Variants in DMXL1 observed in about 807,000 individuals in gnomAD.
DMXL1 encodes dmX-like protein 1.
In DMXL1, 99 loss-of-function variants were observed where a neutral mutation model predicts 319.2. The observed-to-expected ratio is 0.31, with a 90% CI of 0.26 to 0.37. The LOEUF (loss-of-function observed/expected upper bound fraction) is 0.37. DMXL1 is among the 10% of genes least tolerant of loss of function. DMXL1 has a pLI of 1.00. For missense variants in DMXL1, 3,745 were observed against 3,595.6 expected, an observed-to-expected ratio of 1.04 and a Z score of -1.06; for synonymous variants, 1,385 against 1,235.2, an observed-to-expected ratio of 1.12 and a Z score of -2.54.
In DMXL1 at chr5:119,216,919, T is replaced by C. The variant is rs1299593251; in HGVS notation, c.7945T>C (p.Tyr2649His). The C allele has an allele frequency of 1.3e-6, 2 of 1,597,486 alleles. No individual in the cohort carries two copies. Among genetic ancestry groups the C allele is most frequent in the Admixed American group, 3.5e-5 (2 of 57,500 alleles). ...NINKIEADLG[Y>H]PGGKARIIHK... ...TATTTAGATAGAAGCAGATTTGGGA[T>C]ATCCTGGAGGTAAAGCAAGAATTAT... is the stretch of plus-strand genomic sequence containing the variant. The change falls in exon 35 of 44, where the codon TAT (tyrosine) becomes CAT (histidine). Residue 2649 changes from tyrosine to histidine, a missense_variant. Coordinates refer to ENST00000539542, the MANE Select transcript of DMXL1 (RefSeq NM_001290321.3).
chr5:119,108,139 G>T (rs747699559), intron 4 of DMXL1, among the ~76,000 whole-genome samples: 10 of 152,112 alleles, frequency 6.6e-5, no homozygotes, highest in Non-Finnish European at 1.2e-4. Flanking sequence ...GAGTTGGGAG[G>T]ATCGCTTGAG....
chr5:119,230,525 AT>A (rs1354197993), intron 38 of DMXL1, among the ~76,000 whole-genome samples: 16 of 152,358 alleles, frequency 1.1e-4, no homozygotes, highest in Admixed American at 3.3e-4. Context: ...AGCAGATTCT[AT>A]AGTTTTCCTT....
intron 25 of DMXL1, among the ~76,000 whole-genome samples, chr5:119,173,081 C>G (rs1340419129): frequency 6.6e-6 from 1 of 152,102 alleles, no homozygotes; most frequent in Non-Finnish European, 1.5e-5. Context: ...GTTCACGCCT[C>G]TAATCCCAGC....
At chr5:119,122,138 T>C (rs1580828572) in intron 9 of DMXL1, among the ~76,000 whole-genome samples, 1 of 105,958 alleles carries the variant, frequency 9.4e-6, no homozygotes, top group African/African-American at 3.8e-5. Flanking sequence ...GGCGGGGGGC[T>C]GACCCCCCCA....
chr5:119,168,323 T>G (rs1773856095), intron 23 of DMXL1, among the ~76,000 whole-genome samples: 1 of 152,236 alleles, frequency 6.6e-6, no homozygotes, highest in African/African-American at 2.4e-5. Flanking sequence ...ATGTACTCTT[T>G]TGAGTCTGCT....
intron 13 of DMXL1, among the ~76,000 whole-genome samples, chr5:119,142,849 TGCAGCCATAAAAAAGAA>T: frequency 6.6e-6 from 1 of 152,074 alleles, no homozygotes; most frequent in East Asian, 1.9e-4. Context: ...TGGAATACTG[TGCAGCCATAAAAAAGAA>T]TGAAATGATG....
At chr5:119,221,380 T>G (rs1303185528) in intron 37 of DMXL1, among the ~76,000 whole-genome samples, 2 of 152,222 alleles carry the variant, frequency 1.3e-5, no homozygotes, top group East Asian at 3.8e-4. Flanking sequence ...GATCAAATAT[T>G]ACCCATGACC....
At chr5:119,131,450 C>G (rs563679415) in intron 10 of DMXL1, among the ~76,000 whole-genome samples, 2 of 152,250 alleles carry the variant, frequency 1.3e-5, no homozygotes, top group South Asian at 4.1e-4. Context: ...ATACCAGTTA[C>G]AAGTCCATAC....
chr5:119,179,438 T>A (rs895246342), intron 28 of DMXL1, among the ~76,000 whole-genome samples: 1 of 152,006 alleles, frequency 6.6e-6, no homozygotes, highest in Admixed American at 6.6e-5. Context: ...TAGGTGTATG[T>A]GGGCTTGGAT....
At chr5:119,178,641 C>G in intron 28 of DMXL1, 1 of 985,372 alleles carries the variant, frequency 1.0e-6, no homozygotes, top group African/African-American at 1.7e-5. Context: ...GTGGGCTTTT[C>G]CAAAGCTCTT....
At chr5:119,177,972 A>G (rs1776123341) in intron 27 of DMXL1, 24 bp from the exon 28 acceptor site, 1 of 1,567,066 alleles carries the variant, frequency 6.4e-7, no homozygotes, top group East Asian at 2.3e-5. Flanking sequence ...AGTCAGTGAC[A>G]GCTATGTTTG....
In DMXL1 at chr5:119,098,062, T is replaced by C; in HGVS notation, c.171T>C (p.Asn57=). The C allele has an allele frequency of 6.2e-7, 1 of 1,608,388 alleles. No individual in the cohort carries two copies. The highest frequency in any genetic ancestry group is 8.5e-7 in the Non-Finnish European group (1 of 1,178,662). ...LQIIPGAKHG[N]IQVGCVDCSM... is the part of the protein sequence containing the mutation. ...TAATCCCAGGAGCTAAACATGGAAA[T>C]ATTCAAGTGGGATGTGTAGACTGTT... is the stretch of plus-strand genomic sequence containing the variant. Residue 57 remains asparagine (N), a synonymous_variant, in exon 2 of 44, where the codon AAT becomes AAC. Coordinates refer to ENST00000539542, the MANE Select transcript of DMXL1 (RefSeq NM_001290321.3).
At chr5:119,103,067 A>T (rs973453184) in intron 3 of DMXL1, among the ~76,000 whole-genome samples, 4 of 151,676 alleles carry the variant, frequency 2.6e-5, no homozygotes, top group African/African-American at 9.7e-5. Context: ...GTACTCCCAA[A>T]CCTAAAATTA....
chr5:119,093,066 A>T (rs554551104), intron 1 of DMXL1, among the ~76,000 whole-genome samples: 1 of 151,942 alleles, frequency 6.6e-6, no homozygotes, highest in Admixed American at 6.6e-5. Flanking sequence ...GATTTTTACA[A>T]ATTGAAGTTT....
At chr5:119,124,475 G>A (rs1763040173) in intron 9 of DMXL1, among the ~76,000 whole-genome samples, 1 of 151,790 alleles carries the variant, frequency 6.6e-6, no homozygotes, top group Non-Finnish European at 1.5e-5. Flanking sequence ...CATTAAAGAG[G>A]TTGATAGGTC....
chr5:119,099,263 T>C (rs1433288454), intron 2 of DMXL1, among the ~76,000 whole-genome samples: 2 of 152,142 alleles, frequency 1.3e-5, no homozygotes, highest in Non-Finnish European at 2.9e-5. Context: ...CAGGCTGGAG[T>C]GCAGTGGTGC....
intron 5 of DMXL1, among the ~76,000 whole-genome samples, chr5:119,112,828 A>G (rs896155533): frequency 3.9e-5 from 6 of 152,220 alleles, no homozygotes; most frequent in Admixed American, 3.3e-4. Flanking sequence ...GTGGTGGTGC[A>G]TGCCTGTAAT....
intron 1 of DMXL1, among the ~76,000 whole-genome samples, chr5:119,082,026 C>T (rs202142223): frequency 0.32 from 36,171 of 113,696 alleles, 5,787 homozygotes; most frequent in East Asian, 0.7. Context: ...TATATACACA[C>T]ACACACACAC....
At position 119,247,730 on chromosome 5, in the gene DMXL1, T is replaced by A. The variant is rs1790024619; in HGVS notation, c.*511T>A. ...AAAATTGTCATTGAGACGTCAGTGA[T>A]AAATGAGCTAGATGGCTCAATATGT... On this transcript the variant is annotated 3_prime_UTR_variant, in exon 44 of 44. Transcript: ENST00000539542. 6.5e-6 allele frequency: 1 copy of A among 153,118 alleles called. No homozygotes were observed. The highest frequency in any genetic ancestry group is 6.5e-5 in the Admixed American group (1 of 15,480). 9.5% of individuals were successfully genotyped at this position (153,118 alleles called of 1,614,324 possible).
Sources: gnomAD v4.1 joint callset for allele counts (sites outside exome capture counted in the v4.1 genomes callset) on GRCh38, gnomAD v4.1.1 for gene constraint, MANE v1.5 for transcripts, NCBI Gene and HGNC (gene_info 2026-07-23, HGNC 2026-07-21) for gene names.